Variants in PCDHGA1 observed in about 807,000 individuals in gnomAD.
PCDHGA1 encodes protocadherin gamma-A1.
In PCDHGA1, 32 loss-of-function variants were observed where a neutral mutation model predicts 58.0. That is an observed-to-expected ratio of 0.55 (90% CI 0.42 to 0.74). The LOEUF (loss-of-function observed/expected upper bound fraction) is 0.74, where lower values mean the gene tolerates loss of function less well. Ranked by LOEUF, PCDHGA1 falls within the 30% of genes least tolerant of loss-of-function variation. The pLI, the probability that PCDHGA1 is intolerant of heterozygous loss-of-function variation, is 0.00. For missense variants in PCDHGA1, 1,205 were observed against 1,182.3 expected (o/e 1.02, Z -0.28); for synonymous variants, 498 against 501.1 (o/e 0.99, Z 0.08).
chr5:141,434,948 T>C (rs1486185815), intron 1 of PCDHGA1, among the ~76,000 whole-genome samples: 1 of 151,828 alleles, frequency 6.6e-6, no homozygotes, highest in East Asian at 1.9e-4. Flanking sequence ...ATATAATTTA[T>C]TAACAATTTA....
Position 141,399,689 on chromosome 5 carries a change from T to C in PCDHGA1, c.2421+66584T>C, listed in dbSNP as rs199516491. 502 of 1,613,550 alleles carry C rather than the reference T, an allele frequency of 3.1e-4. 1 individual carries two copies. Among genetic ancestry groups the C allele is most frequent in the Non-Finnish European group, 3.8e-4 (448 of 1,179,874 alleles). On this transcript the variant is annotated intron_variant, in intron 1 of 3. Transcript: ENST00000517417. ...CAGCGCGCCTTTGACTACGAGCAGC[T>C]GCGCACCTTCGAACTCACACTACAG...
chr5:141,343,484 G>A (rs1757288603), intron 1 of PCDHGA1: 1 of 581,052 alleles, frequency 1.7e-6, no homozygotes. Flanking sequence ...TGGTGGTCAT[G>A]TCTTTTAATA....
intron 1 of PCDHGA1, chr5:141,394,021 G>C (rs2092901030): frequency 6.2e-7 from 1 of 1,613,480 alleles, no homozygotes; most frequent in Non-Finnish European, 8.5e-7. Flanking sequence ...AATTATTATA[G>C]ATTAGTGACA....
rs777668071 is a variant in PCDHGA1 at position 141,491,848 on chromosome 5, C to G, written c.2422-2959C>G. The G allele has an allele frequency of 3.4e-6, 5 of 1,461,482 alleles. No homozygotes were observed. The highest frequency in any genetic ancestry group is 4.5e-6 in the Non-Finnish European group (5 of 1,104,578). 90.5% of individuals were successfully genotyped at this position (1,461,482 alleles called of 1,614,324 possible). A position where few individuals can be genotyped will look rare whatever the true frequency, so the allele number is the denominator to read the frequency against. ...CACCCGATTCTCGGGATCATTGGAC[C>G]GTTTGCGCGAAACCAGAGTGGCCGA... On this transcript the variant is annotated intron_variant, in intron 1 of 3. Transcript: ENST00000517417. The surrounding 1 kb of genome is among the most constrained non-coding windows in gnomAD (Gnocchi z 6.9).
rs758463890 is a variant in PCDHGA1 at position 141,394,966 on chromosome 5, G to A, written c.2421+61861G>A. On this transcript the variant is annotated intron_variant, in intron 1 of 3. Coordinates refer to ENST00000517417, the MANE Select transcript of PCDHGA1 (RefSeq NM_018912.3). ...GTGCTTCTGGGGCTCAGGCTGAGGCGCTGGCACAAGTCACGCCTGCTCCAG... is the reference window on the plus strand; with the variant it reads ...GTGCTTCTGGGGCTCAGGCTGAGGCACTGGCACAAGTCACGCCTGCTCCAG... 11 of 1,613,768 alleles carry A rather than the reference G, an allele frequency of 6.8e-6. No homozygotes were observed. In the African/African-American group the frequency reaches 9.3e-5, roughly 14 times the overall value.
At chr5:141,374,310 C>G (rs770058469) in intron 1 of PCDHGA1, 4 of 1,614,006 alleles carry the variant, frequency 2.5e-6, no homozygotes, top group South Asian at 1.1e-5. Flanking sequence ...CAGCTTTTCT[C>G]TCTGAATCCG....
rs1187459113 is a variant in PCDHGA1 at position 141,487,187 on chromosome 5, G to A, written c.2422-7620G>A. On this transcript the variant is annotated intron_variant, in intron 1 of 3. Coordinates refer to ENST00000517417, the MANE Select transcript of PCDHGA1 (RefSeq NM_018912.3). This position sits in a 1 kb window ranked among gnomAD's most constrained non-coding sequence, Gnocchi z 5.0. The stretch of plus-strand genomic sequence containing the variant: ...GTCCTTAGAGGAAGACACTCATCCA[G>A]TTGTCCCAGATCTTCGAGAATCTTC... 1.2e-6 allele frequency: 2 copies of A among 1,613,826 alleles called. No homozygotes were observed. Among genetic ancestry groups the A allele is most frequent in the Admixed American group, 3.3e-5 (2 of 60,024 alleles).
At chr5:141,344,688 G>C in intron 1 of PCDHGA1, 2 of 1,613,946 alleles carry the variant, frequency 1.2e-6, no homozygotes. Context: ...TGATGGTGGC[G>C]ACCCTGTCCA....
At chr5:141,410,828 C>A in intron 1 of PCDHGA1, 4 of 377,748 alleles carry the variant, frequency 1.1e-5, no homozygotes, top group Non-Finnish European at 1.8e-5. Context: ...TGTCACCAGA[C>A]TGAAGATATT....
intron 1 of PCDHGA1, chr5:141,394,860 G>C (rs750446579): frequency 5.0e-6 from 8 of 1,613,674 alleles, no homozygotes; most frequent in Non-Finnish European, 5.9e-6. Flanking sequence ...GCCTTCGGTC[G>C]ACCCGAACGA....
At chr5:141,408,816 A>T in intron 1 of PCDHGA1, 1 of 1,613,562 alleles carries the variant, frequency 6.2e-7, no homozygotes, top group East Asian at 2.2e-5. Flanking sequence ...CGGGAAGAAC[A>T]GAGATCTCAT....
At chr5:141,460,335 T>C (rs1201595717) in intron 1 of PCDHGA1, among the ~76,000 whole-genome samples, 3 of 152,194 alleles carry the variant, frequency 2.0e-5, no homozygotes, top group Non-Finnish European at 4.4e-5. Flanking sequence ...CTTATGATGA[T>C]TTTCTCCTAT....
rs779732249 is a variant in PCDHGA1, at chr5:141,361,274, GAGA to G, written c.2421+28172_2421+28174del. 2.5e-6 allele frequency: 4 copies of G among 1,613,962 alleles called. No individual in the cohort carries two copies. In the African/African-American group the frequency reaches 5.3e-5, roughly 22 times the overall value. On this transcript the variant is annotated intron_variant, in intron 1 of 3. Transcript: ENST00000517417. ...AGAGACAGAGACTCTGGAGAAAATG[GAGA>G]AGTTTACTGCCAAGTGTTGGGAAAT...
At chr5:141,492,312 C>G (rs1470136040) in intron 1 of PCDHGA1, among the ~76,000 whole-genome samples, 3 of 152,230 alleles carry the variant, frequency 2.0e-5, no homozygotes, top group Non-Finnish European at 4.4e-5. Context: ...CGCACGCACT[C>G]CTCGCACGTG....
chr5:141,450,826 A>ATTTTT (rs764729742), intron 1 of PCDHGA1, among the ~76,000 whole-genome samples: 2 of 134,302 alleles, frequency 1.5e-5, no homozygotes, highest in African/African-American at 2.9e-5. Flanking sequence ...TATTATTATT[A>ATTTTT]TTATTTTTTT....
chr5:141,423,225 C>G (rs763729316), intron 1 of PCDHGA1: 3 of 1,613,686 alleles, frequency 1.9e-6, no homozygotes, highest in Admixed American at 1.7e-5. Context: ...TGGCTGTGGC[C>G]GACAGCATCC....
chr5:141,489,061 C>A lies in PCDHGA1; in HGVS notation c.2422-5746C>A. On this transcript the variant is annotated intron_variant, in intron 1 of 3. Coordinates refer to ENST00000517417, the MANE Select transcript of PCDHGA1 (RefSeq NM_018912.3). This position sits in a 1 kb window ranked among gnomAD's most constrained non-coding sequence, Gnocchi z 4.5. ...AGCTCCACTCAAATTCAGCTCCCCT[C>A]CCCCCTGCCCACCCCCGCCACTCGG... 5 of 347,080 alleles carry A rather than the reference C, an allele frequency of 1.4e-5. No individual in the cohort carries two copies. The highest frequency in any genetic ancestry group is 2.2e-5 in the African/African-American group (1 of 46,422). 21.5% of individuals were successfully genotyped at this position (347,080 alleles called of 1,614,324 possible). A position where few individuals can be genotyped will look rare whatever the true frequency, so the allele number is the denominator to read the frequency against.
At chr5:141,405,173 G>A (rs774181376) in intron 1 of PCDHGA1, 1 of 1,614,122 alleles carries the variant, frequency 6.2e-7, no homozygotes, top group Non-Finnish European at 8.5e-7. Context: ...CTCACACTTT[G>A]TGGGTGTAGA....
At position 141,351,467 on chromosome 5, in the gene PCDHGA1, G is replaced by T. The variant is rs774231320; in HGVS notation, c.2421+18362G>T. ...GAAGAATTATTACAAGCTGGTGATT[G>T]CTGGAGCCCTAAACCGGGAGCAGAC... On this transcript the variant is annotated intron_variant, in intron 1 of 3. Coordinates refer to ENST00000517417, the MANE Select transcript of PCDHGA1 (RefSeq NM_018912.3). The T allele has an allele frequency of 6.2e-6, 10 of 1,613,546 alleles. No homozygotes were observed. The East Asian group carries it at 1.8e-4, about 29-fold the overall frequency.
Sources: allele counts gnomAD v4.1 joint callset (sites outside exome capture counted in the v4.1 genomes callset), GRCh38; gene constraint gnomAD v4.1.1; non-coding constraint Gnocchi (gnomAD v3.1); transcripts MANE v1.5; gene names NCBI Gene and HGNC (gene_info 2026-07-23, HGNC 2026-07-21).